ADCY7: variants seen among roughly 807,000 people sequenced by gnomAD.
ADCY7 encodes the protein adenylate cyclase 7.
Under a neutral mutation model 120.6 loss-of-function variants are expected in ADCY7, and 72 were observed. The ratio of observed to expected loss-of-function variants is 0.60; its 90% CI spans 0.49 to 0.73. The LOEUF is 0.73. Ranked by LOEUF, ADCY7 falls within the 30% of genes least tolerant of loss-of-function variation. The probability of loss-of-function intolerance (pLI) is 0.00; values close to 1 mark genes in which losing one functional copy is unlikely to be tolerated. For synonymous variants in ADCY7, 661 were observed against 628.0 expected (o/e 1.05, Z -0.78); for missense variants, 1,227 against 1,486.0 (o/e 0.83, Z 2.87).
chr16:50,287,207 G>A (rs1253920943), intron 1 of ADCY7, among the ~76,000 whole-genome samples: 2 of 151,400 alleles, frequency 1.3e-5, no homozygotes, highest in African/African-American at 2.4e-5. Context: ...GTGGAGGGGG[G>A]TTTTACCACG....
rs746042309 is a variant in ADCY7 at position 50,305,609 on chromosome 16, AC to A, written c.1679+29del. 8 of 1,575,334 alleles carry A rather than the reference AC, an allele frequency of 5.1e-6. No individual in the cohort carries two copies. In the Admixed American group the frequency reaches 8.6e-5, roughly 17 times the overall value. ...GAGGTGAGGTCTGAGACCTCTGTCC[AC>A]CCCCCTCTCCTCTCCCCCTCGGATA... On this transcript the variant is annotated intron_variant, in intron 13 of 25. Transcript: ENST00000673801.
intron 1 of ADCY7, 34 bp from the exon 2 acceptor site, chr16:50,287,878 T>G: frequency 9.1e-6 from 3 of 330,262 alleles, no homozygotes; most frequent in Non-Finnish European, 1.1e-5. Context: ...ACTTGGACCA[T>G]TAGGTCAAGT....
At chr16:50,247,201 G>C (rs1013715099) in intron 1 of ADCY7, among the ~76,000 whole-genome samples, 8 of 152,226 alleles carry the variant, frequency 5.3e-5, no homozygotes, top group African/African-American at 1.9e-4. Flanking sequence ...AACGTGGGCA[G>C]GTGCCCTTGT....
At chr16:50,314,988 T>C (rs1184864775) in intron 24 of ADCY7, 26 bp from the exon 25 acceptor site, 4 of 1,613,506 alleles carry the variant, frequency 2.5e-6, no homozygotes, top group Non-Finnish European at 3.4e-6. Flanking sequence ...CCTGCACGCT[T>C]GGGTAACTGT....
rs764532133 is a variant in ADCY7 at position 50,310,844 on chromosome 16, G to A, written c.2318G>A (p.Gly773Asp). Residue 773 changes from glycine (G) to aspartate (D), a missense_variant, in exon 19 of 26, where the codon GGC becomes GAC. Transcript: ENST00000673801. The stretch of plus-strand genomic sequence containing the variant: ...TGGCAGTGGGACTGCTGCGGCCAAG[G>A]CCTGGGCAACCTCACCAAGCCCAAC... ...PCWQWDCCGQ[G>D]LGNLTKPNGT... 1.2e-6 allele frequency: 2 copies of A among 1,612,234 alleles called. No homozygotes were observed. Among genetic ancestry groups the A allele is most frequent in the South Asian group, 1.1e-5 (1 of 90,778 alleles).
At chr16:50,268,435 CTG>C (rs1262139542) in intron 1 of ADCY7, among the ~76,000 whole-genome samples, 1 of 152,110 alleles carries the variant, frequency 6.6e-6, no homozygotes, top group Non-Finnish European at 1.5e-5. Context: ...GGATCTCACT[CTG>C]TCACCCATGC....
chr16:50,315,172 G>A lies in ADCY7; in HGVS notation c.3096+34G>A, dbSNP rs56107741. On this transcript the variant is annotated intron_variant, in intron 25 of 25. Coordinates refer to ENST00000673801, the MANE Select transcript of ADCY7 (RefSeq NM_001114.5). ...CTATTGGGGAAGCAGTTGACTAAGG[G>A]GAAAAGATCTTCCCCAGAGGTGAGG... 7,107 of 1,611,836 alleles carry A rather than the reference G, an allele frequency of 4.4e-3. 15 individuals carry two copies. The highest frequency in any genetic ancestry group is 5.4e-3 in the Non-Finnish European group (6,379 of 1,178,662).
intron 14 of ADCY7, among the ~76,000 whole-genome samples, chr16:50,306,113 A>G (rs1453935164): frequency 1.3e-5 from 2 of 152,222 alleles, no homozygotes; most frequent in Admixed American, 6.5e-5. Context: ...TGCTCCGTCC[A>G]GTGCCAAAGC....
At chr16:50,270,176 C>CAAATAGAT (rs2033463655) in intron 1 of ADCY7, among the ~76,000 whole-genome samples, 1 of 141,192 alleles carries the variant, frequency 7.1e-6, no homozygotes. Context: ...GACCCTGTCT[C>CAAATAGAT]AGATAGATAG....
At chr16:50,301,307 G>C (rs900557951) in intron 10 of ADCY7, 93 bp downstream of exon 10, 10 of 1,456,270 alleles carry the variant, frequency 6.9e-6, no homozygotes, top group Middle Eastern at 2.5e-4. Context: ...AAACCCCCAT[G>C]TGGAGGGAGA....
At position 50,310,439 on chromosome 16, in the gene ADCY7, C is replaced by T. The variant is rs1026930279; in HGVS notation, c.2161-248C>T. ...CTCCGGCCTTGACCTTGACTGTGGT[C>T]TGTTGTATCCACAGCACCTGCATAC... On this transcript the variant is annotated intron_variant, in intron 18 of 25. Transcript: ENST00000673801. 18 of 1,535,280 alleles carry T rather than the reference C, an allele frequency of 1.2e-5. No individual in the cohort carries two copies. In the East Asian group the frequency reaches 4.4e-4, roughly 38 times the overall value.
chr16:50,314,966 C>T (rs1240729672), intron 24 of ADCY7, 48 bp from the exon 25 acceptor site: 21 of 1,609,088 alleles, frequency 1.3e-5, no homozygotes, highest in East Asian at 2.2e-5. Context: ...AGGGCAGAAG[C>T]TTGAGGCTTT....
At chr16:50,247,050 T>G (rs1478099032) in intron 1 of ADCY7, among the ~76,000 whole-genome samples, 1 of 147,118 alleles carries the variant, frequency 6.8e-6, no homozygotes, top group African/African-American at 2.6e-5. Flanking sequence ...CTCCAGAGAT[T>G]GAATGAATGA....
chr16:50,303,275 C>T (rs528021715), intron 10 of ADCY7, among the ~76,000 whole-genome samples: 7 of 152,208 alleles, frequency 4.6e-5, no homozygotes, highest in Non-Finnish European at 7.3e-5. Flanking sequence ...CTGAATTCCA[C>T]GTGGCTCCCG....
At chr16:50,251,294 G>A (rs1282833837) in intron 1 of ADCY7, among the ~76,000 whole-genome samples, 1 of 152,144 alleles carries the variant, frequency 6.6e-6, no homozygotes, top group African/African-American at 2.4e-5. Flanking sequence ...ATTGTGGTGT[G>A]ATGAAATGAC....
At chr16:50,271,050 C>T (rs991682356) in intron 1 of ADCY7, among the ~76,000 whole-genome samples, 1 of 152,242 alleles carries the variant, frequency 6.6e-6, no homozygotes, top group Admixed American at 6.5e-5. Context: ...ATTGCCCAAC[C>T]CTGAGTGCAG....
chr16:50,266,868 C>A (rs2033248092), intron 1 of ADCY7, among the ~76,000 whole-genome samples, 188 bp downstream of exon 1: 1 of 152,138 alleles, frequency 6.6e-6, no homozygotes, highest in South Asian at 2.1e-4. Flanking sequence ...AGAGGCGGCC[C>A]TTCAACAGGG....
At chr16:50,276,667 C>T (rs566688266) in intron 1 of ADCY7, among the ~76,000 whole-genome samples, 1 of 152,344 alleles carries the variant, frequency 6.6e-6, no homozygotes, top group South Asian at 2.1e-4. Context: ...ACAATCATCA[C>T]TTGCTGCAGC....
rs148593864 is a variant in ADCY7, at chr16:50,290,499, G to A, written c.214G>A (p.Val72Met). 15 of 1,614,108 alleles carry A rather than the reference G, an allele frequency of 9.3e-6. No individual in the cohort carries two copies. Among genetic ancestry groups the A allele is most frequent in the African/African-American group, 1.3e-5 (1 of 74,934 alleles). The part of the protein sequence containing the change: ...HQAILGMAFL[V>M]LAVFAALSVL... ...GGCCATTCTGGGCATGGCGTTCCTG[G>A]TGCTGGCGGTGTTTGCGGCCCTCTC... The change falls in exon 3 of 26, where the codon GTG becomes ATG. Residue 72 changes from valine to methionine, a missense_variant. By Grantham distance (21) the Val-to-Met change is conservative. Transcript: ENST00000673801.
Sources: gnomAD v4.1 joint callset for allele counts (sites outside exome capture counted in the v4.1 genomes callset) on GRCh38, gnomAD v4.1.1 for gene constraint, MANE v1.5 for transcripts, NCBI Gene and HGNC (gene_info 2026-07-23, HGNC 2026-07-21) for gene names.